The following FAM47E variants were observed in gnomAD, a reference collection of about 807,000 sequenced individuals.
FAM47E encodes family with sequence similarity 47 member E.
FAM47E carries 32 observed loss-of-function variants against 41.6 expected under a neutral mutation model. The observed-to-expected ratio is 0.77, with a 90% confidence interval of 0.58 to 1.03. The LOEUF (loss-of-function observed/expected upper bound fraction) is 1.03, where lower values mean the gene tolerates loss of function less well. Ranked by LOEUF, FAM47E falls within the 50% of genes least tolerant of loss-of-function variation. FAM47E has a pLI of 0.00. For synonymous variants in FAM47E, 184 were observed against 188.7 expected (o/e 0.98, Z 0.20); for missense variants, 424 against 485.4 (o/e 0.87, Z 1.19).
intron 2 of FAM47E, among the ~76,000 whole-genome samples, chr4:76,243,743 C>T (rs897735801): frequency 6.6e-6 from 1 of 151,968 alleles, no homozygotes; most frequent in African/African-American, 2.4e-5. Flanking sequence ...AGTTGTATGT[C>T]TTTTTAAGTT....
At chr4:76,259,762 CAG>C (rs1734330876) in intron 2 of FAM47E, among the ~76,000 whole-genome samples, 1 of 152,140 alleles carries the variant, frequency 6.6e-6, no homozygotes, top group South Asian at 2.1e-4. Context: ...TTGGCAATGA[CAG>C]AAACTTGAGT....
intron 2 of FAM47E, among the ~76,000 whole-genome samples, chr4:76,235,795 A>C (rs1733577323): frequency 6.6e-6 from 1 of 152,246 alleles, no homozygotes; most frequent in South Asian, 2.1e-4. Flanking sequence ...GCTAATATTT[A>C]CTGGGAGCTT....
chr4:76,279,218 T>C (rs1384989716), intron 6 of FAM47E: 1 of 152,196 alleles, frequency 6.6e-6, no homozygotes, highest in Non-Finnish European at 1.5e-5. Context: ...AAAGCCTAGG[T>C]TTATGTGAAT....
At chr4:76,283,205 A>G in intron 7 of FAM47E, 176 bp from the exon 8 acceptor site, 1 of 480,644 alleles carries the variant, frequency 2.1e-6, no homozygotes, top group Non-Finnish European at 3.8e-6. Context: ...CTGTGTGACT[A>G]CCTTCCAAAG....
chr4:76,243,622 G>C (rs1270929349), intron 2 of FAM47E, among the ~76,000 whole-genome samples: 4 of 152,148 alleles, frequency 2.6e-5, no homozygotes, highest in African/African-American at 9.7e-5. Flanking sequence ...TTGTATGCAA[G>C]ACCCTCTCTT....
At chr4:76,275,879 G>T (rs1042671346) in intron 5 of FAM47E, among the ~76,000 whole-genome samples, 1 of 151,890 alleles carries the variant, frequency 6.6e-6, no homozygotes, top group Non-Finnish European at 1.5e-5. Context: ...AGGGCAATTT[G>T]CCCCCCTTCC....
At chr4:76,271,918 G>T in intron 5 of FAM47E, 150 bp downstream of exon 5, 2 of 918,708 alleles carry the variant, frequency 2.2e-6, no homozygotes, top group Non-Finnish European at 3.1e-6. Context: ...TTAAATAAAT[G>T]CATGTTTAAT....
intron 2 of FAM47E, among the ~76,000 whole-genome samples, chr4:76,220,335 G>A (rs1733286580): frequency 6.6e-6 from 1 of 152,140 alleles, no homozygotes; most frequent in Admixed American, 6.6e-5. Flanking sequence ...CTATAAAAAG[G>A]AAAGAAATAG....
intron 2 of FAM47E, chr4:76,236,447 A>T (rs1400059484): frequency 2.0e-5 from 3 of 152,156 alleles, no homozygotes; most frequent in African/African-American, 4.8e-5. Context: ...AAAAGAGTCA[A>T]ACTCTGTAGA....
chr4:76,253,248 C>G (rs1176695329), intron 1 of FAM47E, among the ~76,000 whole-genome samples: 1 of 152,132 alleles, frequency 6.6e-6, no homozygotes, highest in African/African-American at 2.4e-5. Flanking sequence ...GGATGTACCA[C>G]AGTTTGTTTA....
rs1055222565 is a variant in FAM47E at position 76,256,288 on chromosome 4, G to C, written c.185G>C (p.Cys62Ser). 6.4e-7 allele frequency: 1 copy of C among 1,551,726 alleles called. No individual in the cohort carries two copies. The highest frequency in any genetic ancestry group is 1.4e-5 in the African/African-American group (1 of 73,148). ...GACTTCAGGAAGGGCTGCCCGCCTT[G>C]CACTGGTCTGGTGACTCAGGTCCCT... Reference protein sequence around the residue: ...LDDFRKGCPPCTGLVTQVPVE... With the variant: ...LDDFRKGCPPSTGLVTQVPVE... The change falls in exon 2 of 8, where the codon TGC (cysteine) becomes TCC (serine). Residue 62 changes from cysteine to serine, a missense_variant. Coordinates refer to ENST00000424749, the MANE Select transcript of FAM47E (RefSeq NM_001136570.3).
intron 2 of FAM47E, among the ~76,000 whole-genome samples, chr4:76,242,656 A>T (rs1733735483): frequency 6.6e-6 from 1 of 152,230 alleles, no homozygotes; most frequent in Non-Finnish European, 1.5e-5. Context: ...GCAAATGAAT[A>T]CTTGAAATGT....
chr4:76,251,719 G>A, upstream of FAM47E: 2 of 1,467,002 alleles, frequency 1.4e-6, no homozygotes, highest in Non-Finnish European at 1.8e-6. Context: ...GCCCAAGCCC[G>A]GACGGTGGCC....
intron 5 of FAM47E, among the ~76,000 whole-genome samples, chr4:76,272,152 G>A (rs1734918461): frequency 6.6e-6 from 1 of 152,106 alleles, no homozygotes; most frequent in East Asian, 1.9e-4. Context: ...AATTTTTGCT[G>A]GAGTCTTATT....
intron 1 of FAM47E, among the ~76,000 whole-genome samples, chr4:76,252,765 A>C (rs1487381636): frequency 1.3e-5 from 2 of 152,182 alleles, no homozygotes; most frequent in Non-Finnish European, 2.9e-5. Context: ...GCTCACCAGA[A>C]GTTGCAGAAA....
intron 5 of FAM47E, among the ~76,000 whole-genome samples, chr4:76,276,270 A>C (rs1275169733): frequency 1.3e-5 from 2 of 151,836 alleles, no homozygotes; most frequent in African/African-American, 4.9e-5. Flanking sequence ...AAACGATCAG[A>C]AAATATATAG....
intron 7 of FAM47E, chr4:76,280,862 CT>C (rs528575853): frequency 6.5e-6 from 1 of 152,740 alleles, no homozygotes; most frequent in Non-Finnish European, 1.5e-5. Flanking sequence ...TGTCTTCTGT[CT>C]TTTTTCCCTT....
intron 5 of FAM47E, among the ~76,000 whole-genome samples, chr4:76,277,476 C>G (rs188388547): frequency 1.1e-4 from 16 of 146,640 alleles, no homozygotes; most frequent in African/African-American, 4.1e-4. Flanking sequence ...GGCGACAGAG[C>G]GAGACTCCGT....
intron 2 of FAM47E, among the ~76,000 whole-genome samples, chr4:76,225,814 T>G (rs1733387502): frequency 6.6e-6 from 1 of 152,240 alleles, no homozygotes; most frequent in African/African-American, 2.4e-5. Context: ...GATTTTTGTT[T>G]CCATGTTCAT....
Sources: allele counts gnomAD v4.1 joint callset (sites outside exome capture counted in the v4.1 genomes callset), GRCh38; gene constraint gnomAD v4.1.1; transcripts MANE v1.5; gene names NCBI Gene and HGNC (gene_info 2026-07-23, HGNC 2026-07-21).